The following NCAM1 variants were observed in gnomAD, a reference collection of about 807,000 sequenced individuals.
The protein encoded by NCAM1 is neural cell adhesion molecule 1, also known as antigen recognized by monoclonal antibody 5.1H11.
In NCAM1, 14 loss-of-function variants were observed where a neutral mutation model predicts 109.8. That is an observed-to-expected ratio of 0.13 (90% confidence interval 0.08 to 0.20). NCAM1 has a LOEUF of 0.20. NCAM1 is among the 10% of genes least tolerant of loss of function. The probability of loss-of-function intolerance (pLI) is 1.00; values close to 1 mark genes in which losing one functional copy is unlikely to be tolerated. For missense variants in NCAM1, 774 were observed against 1,109.9 expected (o/e 0.70, Z 4.30); for synonymous variants, 418 against 442.9 (o/e 0.94, Z 0.70).
intron 1 of NCAM1, among the ~76,000 whole-genome samples, chr11:113,089,406 TATTA>T (rs782477287): frequency 1.3e-5 from 2 of 151,960 alleles, no homozygotes; most frequent in Non-Finnish European, 2.9e-5. Context: ...GCATAAAAGC[TATTA>T]ATTAAGTTTA....
intron 1 of NCAM1, among the ~76,000 whole-genome samples, chr11:113,114,107 G>T (rs1265839934): frequency 1.3e-5 from 2 of 152,198 alleles, no homozygotes; most frequent in African/African-American, 4.8e-5. Context: ...TTTTTGCCTT[G>T]TGTGATTTGA....
intron 1 of NCAM1, among the ~76,000 whole-genome samples, chr11:113,136,576 A>G (rs1265213920): frequency 2.6e-5 from 4 of 152,220 alleles, no homozygotes; most frequent in African/African-American, 9.6e-5. Context: ...AGCACCATCC[A>G]TGCTTCTCAA....
chr11:112,987,880 A>C (rs1160805837), intron 1 of NCAM1, among the ~76,000 whole-genome samples: 2 of 152,104 alleles, frequency 1.3e-5, no homozygotes, highest in African/African-American at 4.8e-5. Flanking sequence ...TGGAGACTCT[A>C]ATGTATTTGC....
intron 1 of NCAM1, among the ~76,000 whole-genome samples, chr11:112,999,689 T>C (rs1234449012): frequency 6.6e-6 from 1 of 152,148 alleles, no homozygotes; most frequent in East Asian, 1.9e-4. Context: ...TAGAAAATTG[T>C]GTAATAAATC....
chr11:113,157,637 T>C (rs1555103690), intron 1 of NCAM1, among the ~76,000 whole-genome samples: 1 of 152,178 alleles, frequency 6.6e-6, no homozygotes, highest in Non-Finnish European at 1.5e-5. Context: ...TCTGAATCGA[T>C]GATTATAATT....
intron 1 of NCAM1, among the ~76,000 whole-genome samples, chr11:113,005,968 G>A (rs1555073252): frequency 6.6e-6 from 1 of 151,774 alleles, no homozygotes; most frequent in Non-Finnish European, 1.5e-5. Context: ...CTAAACATAT[G>A]AACTTTTCTT....
intron 1 of NCAM1, among the ~76,000 whole-genome samples, chr11:112,997,464 T>C (rs181205610): frequency 6.1e-4 from 93 of 152,318 alleles, no homozygotes; most frequent in Admixed American, 3.5e-3. Context: ...GTTTTTGCCT[T>C]CTTTGGTAAA....
chr11:113,123,983 G>T (rs1237245085), intron 1 of NCAM1, among the ~76,000 whole-genome samples: 1 of 152,190 alleles, frequency 6.6e-6, no homozygotes, highest in African/African-American at 2.4e-5. Context: ...ACTCAGGGCT[G>T]ATCAGCAAAG....
intron 1 of NCAM1, among the ~76,000 whole-genome samples, chr11:113,012,957 T>G (rs1365573982): frequency 2.0e-5 from 3 of 152,164 alleles, no homozygotes; most frequent in Admixed American, 2.0e-4. Context: ...TACAACATAC[T>G]TTCAAATGGT....
intron 1 of NCAM1, among the ~76,000 whole-genome samples, chr11:113,036,863 T>TGCCTG (rs377630631): frequency 2.0e-5 from 3 of 152,294 alleles, no homozygotes; most frequent in African/African-American, 7.2e-5. Flanking sequence ...TGAATTCTGG[T>TGCCTG]GCCTGGGCTT....
chr11:113,163,307 C>A (rs1408408483), intron 1 of NCAM1, among the ~76,000 whole-genome samples: 3 of 152,210 alleles, frequency 2.0e-5, no homozygotes, highest in African/African-American at 7.2e-5. Context: ...AAAAAAACCA[C>A]CCATGCTGCT....
In NCAM1 at chr11:113,056,294, C is replaced by G. The variant is rs7945562; in HGVS notation, c.52+94630C>G. ...GAGAAATTGATTAATGGTTGCAAAACTATAGTTAAATAGTAAGGATGAATT... is the reference window on the plus strand; with the variant it reads ...GAGAAATTGATTAATGGTTGCAAAAGTATAGTTAAATAGTAAGGATGAATT... On this transcript the variant is annotated intron_variant, in intron 1 of 19. Coordinates refer to ENST00000316851, the MANE Select transcript of NCAM1 (RefSeq NM_181351.5). Among the ~76,000 whole-genome samples the G allele has an allele frequency of 1.3e-4, 19 of 151,764 alleles. No individual in the cohort carries two copies. In the East Asian group the frequency reaches 1.5e-3, roughly 12 times the overall value.
At chr11:113,024,170 C>T (rs1291620186) in intron 1 of NCAM1, among the ~76,000 whole-genome samples, 3 of 152,134 alleles carry the variant, frequency 2.0e-5, no homozygotes, top group Non-Finnish European at 4.4e-5. Flanking sequence ...TAGCAACAAC[C>T]TCTAGTCTCT....
chr11:112,999,794 A>C (rs1215492064), intron 1 of NCAM1, among the ~76,000 whole-genome samples: 1 of 152,022 alleles, frequency 6.6e-6, no homozygotes, highest in Non-Finnish European at 1.5e-5. Context: ...GCTGCAGGAG[A>C]GGTTTGGGCA....
intron 1 of NCAM1, among the ~76,000 whole-genome samples, chr11:113,031,685 T>A (rs1224716719): frequency 9.0e-6 from 1 of 110,676 alleles, no homozygotes; most frequent in African/African-American, 3.2e-5. Flanking sequence ...TGAGACTGTC[T>A]CAAAAAAAAA....
intron 1 of NCAM1, chr11:112,977,235 A>T (rs1278609171): frequency 2.0e-5 from 3 of 151,968 alleles, no homozygotes; most frequent in African/African-American, 7.2e-5. Flanking sequence ...TTATTGAACA[A>T]ATTTTGTTAA....
At chr11:113,048,324 T>A (rs1953343531) in intron 1 of NCAM1, among the ~76,000 whole-genome samples, 1 of 152,244 alleles carries the variant, frequency 6.6e-6, no homozygotes, top group Admixed American at 6.5e-5. Flanking sequence ...AAGTTATTTT[T>A]AACTCTTTAC....
At chr11:113,168,868 A>G (rs1942895362) in intron 1 of NCAM1, among the ~76,000 whole-genome samples, 1 of 152,192 alleles carries the variant, frequency 6.6e-6, no homozygotes, top group Non-Finnish European at 1.5e-5. Context: ...GGGGGAGGCC[A>G]GGCAACCAAT....
In NCAM1 at chr11:113,170,725, TA is replaced by T. The variant is rs1335841485; in HGVS notation, c.53-31647del. Among the ~76,000 whole-genome samples the T allele has an allele frequency of 1.3e-4, 20 of 152,238 alleles. No individual in the cohort carries two copies. The South Asian group carries it at 1.5e-3, about 11-fold the overall frequency. The stretch of plus-strand genomic sequence containing the variant: ...CTAGTTGGTTATTAAACAGTGGGCC[TA>T]AAAAAACTAAGGGCAAAAAGGTGTT... On this transcript the variant is annotated intron_variant, in intron 1 of 19. Coordinates refer to ENST00000316851, the MANE Select transcript of NCAM1 (RefSeq NM_181351.5).
Sources: gnomAD v4.1 joint callset for allele counts (sites outside exome capture counted in the v4.1 genomes callset) on GRCh38, gnomAD v4.1.1 for gene constraint, MANE v1.5 for transcripts, NCBI Gene and HGNC (gene_info 2026-07-23, HGNC 2026-07-21) for gene names.